The following SMNDC1 variants were observed in gnomAD, a reference collection of about 807,000 sequenced individuals.
SMNDC1 encodes the protein survival motor neuron domain containing 1, also known as survival of motor neuron-related-splicing factor 30.
A neutral mutation model predicts 29.2 loss-of-function variants in SMNDC1; 5 were observed. The ratio of observed to expected loss-of-function variants is 0.17; its 90% CI spans 0.09 to 0.36. The LOEUF is 0.36. Ranked by LOEUF, SMNDC1 falls within the 10% of genes least tolerant of loss-of-function variation. The pLI, the probability that SMNDC1 is intolerant of heterozygous loss-of-function variation, is 1.00. For missense variants in SMNDC1, 142 were observed against 268.5 expected, an observed-to-expected ratio of 0.53 and a Z score of 3.29; for synonymous variants, 80 against 89.9, an observed-to-expected ratio of 0.89 and a Z score of 0.62.
chr10:110,297,770 A>T, intron 3 of SMNDC1, 42 bp from the exon 4 acceptor site: 1 of 1,573,988 alleles, frequency 6.4e-7, no homozygotes, highest in Non-Finnish European at 8.7e-7. Flanking sequence ...GTAAAGGTTT[A>T]GTACTCAGCC....
intron 4 of SMNDC1, among the ~76,000 whole-genome samples, chr10:110,297,180 T>C (rs1008838606): frequency 3.3e-5 from 5 of 152,222 alleles, no homozygotes; most frequent in Admixed American, 6.5e-5. Flanking sequence ...GTACCTGTTA[T>C]AGCTCCTTTG....
At position 110,299,778 on chromosome 10, in the gene SMNDC1, G is replaced by T. The variant is rs570579805; in HGVS notation, c.121-988C>A. Among the ~76,000 whole-genome samples, 41 of 152,262 alleles carry T rather than the reference G, an allele frequency of 2.7e-4. No individual in the cohort carries two copies. In the East Asian group the frequency reaches 7.9e-3, roughly 29 times the overall value. ...ACTGAGGTTTCATAATAGTAATTTT[G>T]ATTCCAGTAGCCAAGAAAGTTAAAT... On this transcript the variant is annotated intron_variant, in intron 2 of 5. Transcript: ENST00000369603.
chr10:110,304,372 C>G (rs1359793302), intron 1 of SMNDC1: 1 of 152,328 alleles, frequency 6.6e-6, no homozygotes, highest in African/African-American at 2.4e-5. Context: ...CCAGGCTGCT[C>G]TCCTCCCCGC....
intron 4 of SMNDC1, 124 bp downstream of exon 4, chr10:110,297,443 T>G: frequency 1.2e-6 from 1 of 862,308 alleles, no homozygotes. Flanking sequence ...CCTTTGTTGC[T>G]AATCTTCAAA....
chr10:110,303,275 C>A (rs113673038), intron 2 of SMNDC1, among the ~76,000 whole-genome samples, 193 bp downstream of exon 2: 7,680 of 152,186 alleles, frequency 0.05, 285 homozygotes, highest in Middle Eastern at 0.15. Flanking sequence ...TAACAAAGAA[C>A]AATATTTCAC....
At chr10:110,302,135 G>A (rs1857660077) in intron 2 of SMNDC1, among the ~76,000 whole-genome samples, 1 of 152,180 alleles carries the variant, frequency 6.6e-6, no homozygotes, top group Non-Finnish European at 1.5e-5. Flanking sequence ...TTTACAGAGT[G>A]TAAGAAAATA....
intron 2 of SMNDC1, among the ~76,000 whole-genome samples, chr10:110,300,195 C>T (rs954280142): frequency 5.9e-5 from 9 of 152,194 alleles, no homozygotes; most frequent in African/African-American, 2.2e-4. Context: ...GATCATTTAA[C>T]TTAAGCACAG....
intron 3 of SMNDC1, 69 bp from the exon 4 acceptor site, chr10:110,297,797 T>C (rs1448977299): frequency 1.3e-5 from 18 of 1,335,232 alleles, no homozygotes; most frequent in Non-Finnish European, 1.7e-5. Context: ...ACTTATACTG[T>C]AGTGATAAAA....
intron 2 of SMNDC1, chr10:110,300,440 C>A: frequency 2.0e-6 from 1 of 504,180 alleles, no homozygotes; most frequent in African/African-American, 2.1e-5. Context: ...ATAACCCTCC[C>A]AACAAACTAT....
Position 110,304,892 on chromosome 10 carries a change from C to G in SMNDC1, c.-145G>C, listed in dbSNP as rs1857723477. ...CGACCCGGTCTGAAAAGGAAGAACT[C>G]GGTCGGCGGCGAGGGGGAAGGGAGG... On this transcript the variant is annotated 5_prime_UTR_variant, in exon 1 of 6. Coordinates refer to ENST00000369603, the MANE Select transcript of SMNDC1 (RefSeq NM_005871.4). The G allele has an allele frequency of 6.6e-6, 1 of 152,324 alleles. No homozygotes were observed. The highest frequency in any genetic ancestry group is 2.4e-5 in the African/African-American group (1 of 41,394). The allele number at this position is 152,324 out of a possible 1,614,324, so 9.4% of individuals were successfully genotyped here.
intron 5 of SMNDC1, 125 bp downstream of exon 5, chr10:110,295,103 G>T: frequency 1.3e-6 from 1 of 799,012 alleles, no homozygotes; most frequent in African/African-American, 1.8e-5. Flanking sequence ...GCATCAACAA[G>T]GATTCGGAAT....
rs1006558582 is a variant in SMNDC1 at position 110,292,999 on chromosome 10, G to C, written c.*1151C>G. ...GTACTTGGAGGTTTAATTGCTTTAA[G>C]TGCTGACAGCTAAAGACTTTACCCT... On this transcript the variant is annotated 3_prime_UTR_variant, in exon 6 of 6. Coordinates refer to ENST00000369603, the MANE Select transcript of SMNDC1 (RefSeq NM_005871.4). 1 of 152,162 alleles carries C rather than the reference G, an allele frequency of 6.6e-6. No individual in the cohort carries two copies. Among genetic ancestry groups the C allele is most frequent in the Non-Finnish European group, 1.5e-5 (1 of 68,016 alleles). 9.4% of individuals were successfully genotyped at this position (152,162 alleles called of 1,614,324 possible). A position where few individuals can be genotyped will look rare whatever the true frequency, so the allele number is the denominator to read the frequency against.
chr10:110,294,839 C>T (rs929898774), intron 5 of SMNDC1, among the ~76,000 whole-genome samples: 2 of 152,230 alleles, frequency 1.3e-5, no homozygotes, highest in Non-Finnish European at 2.9e-5. Flanking sequence ...CTACCCAACA[C>T]ACACAAGGTA....
Position 110,291,816 on chromosome 10 carries a change from TC to T in SMNDC1, c.*2333del, listed in dbSNP as rs1857503021. The T allele has an allele frequency of 6.6e-6, 1 of 152,284 alleles. No homozygotes were observed. Among genetic ancestry groups the T allele is most frequent in the Non-Finnish European group, 1.5e-5 (1 of 68,026 alleles). The allele number at this position is 152,284 out of a possible 1,614,324, so 9.4% of individuals were successfully genotyped here. ...TGTTACCTGTGATTACCACTAAAAC[TC>T]AACATTTTATTTTCGGGAGGTTAGG... On this transcript the variant is annotated 3_prime_UTR_variant, in exon 6 of 6. Coordinates refer to ENST00000369603, the MANE Select transcript of SMNDC1 (RefSeq NM_005871.4).
intron 4 of SMNDC1, among the ~76,000 whole-genome samples, chr10:110,297,140 T>G (rs923743480): frequency 5.3e-5 from 8 of 152,202 alleles, no homozygotes; most frequent in Non-Finnish European, 1.5e-5. Flanking sequence ...ATAATAAAAG[T>G]GGAGGCTGAG....
At position 110,300,533 on chromosome 10, in the gene SMNDC1, T is replaced by G. The variant is rs564042120; in HGVS notation, c.121-1743A>C. 153 of 983,770 alleles carry G rather than the reference T, an allele frequency of 1.6e-4. 1 individual carries two copies. In the African/African-American group the frequency reaches 2.4e-3, roughly 16 times the overall value. 60.9% of individuals were successfully genotyped at this position (983,770 alleles called of 1,614,324 possible). A position where few individuals can be genotyped will look rare whatever the true frequency, so the allele number is the denominator to read the frequency against. On this transcript the variant is annotated intron_variant, in intron 2 of 5. Coordinates refer to ENST00000369603, the MANE Select transcript of SMNDC1 (RefSeq NM_005871.4). ...AACTATTTTATGTATGAGGGGGTTC[T>G]TGAAGGTACATACCATTAATTACTT...
chr10:110,295,421 T>C lies in SMNDC1; in HGVS notation c.426-40A>G, dbSNP rs199636439. On this transcript the variant is annotated intron_variant, in intron 4 of 5. Transcript: ENST00000369603. ...GTTAAATGTCAACTGTTAAGACTTA[T>C]CATACAAGAATGACTTCCTTGAAGA... The C allele has an allele frequency of 3.4e-4, 513 of 1,525,180 alleles. 1 individual carries two copies. Among genetic ancestry groups the C allele is most frequent in the South Asian group, 2.4e-3 (191 of 80,000 alleles). The allele number at this position is 1,525,180 out of a possible 1,614,324, so 94.5% of individuals were successfully genotyped here.
intron 2 of SMNDC1, among the ~76,000 whole-genome samples, chr10:110,302,236 T>C (rs1857662813): frequency 1.3e-5 from 2 of 152,198 alleles, no homozygotes; most frequent in Non-Finnish European, 2.9e-5. Flanking sequence ...CACTGGGTTA[T>C]TTCTCACTTA....
chr10:110,295,475 A>C, intron 4 of SMNDC1, 94 bp from the exon 5 acceptor site: 1 of 845,844 alleles, frequency 1.2e-6, no homozygotes, highest in East Asian at 2.8e-5. Flanking sequence ...AAAATCTAAT[A>C]AACATATACA....
Sources: gnomAD v4.1 joint callset for allele counts (sites outside exome capture counted in the v4.1 genomes callset) on GRCh38, gnomAD v4.1.1 for gene constraint, MANE v1.5 for transcripts, NCBI Gene and HGNC (gene_info 2026-07-23, HGNC 2026-07-21) for gene names.